The following BLOC1S5 variants were observed in gnomAD, a reference collection of about 807,000 sequenced individuals.
BLOC1S5 encodes the protein biogenesis of lysosomal organelles complex 1 subunit 5.
BLOC1S5 carries 27 observed loss-of-function variants against 24.3 expected under a neutral mutation model. The observed-to-expected ratio is 1.11, with a 90% CI of 0.82 to 1.53. The LOEUF (loss-of-function observed/expected upper bound fraction) is 1.53, where lower values mean the gene tolerates loss of function less well. BLOC1S5 is among the 40% of genes most tolerant of loss of function. The pLI, the probability that BLOC1S5 is intolerant of heterozygous loss-of-function variation, is 0.00. For synonymous variants in BLOC1S5, 84 were observed against 74.5 expected, an observed-to-expected ratio of 1.13 and a Z score of -0.66; for missense variants, 239 against 229.4, an observed-to-expected ratio of 1.04 and a Z score of -0.27.
chr6:8,026,343 C>G, intron 4 of BLOC1S5, 24 bp downstream of exon 4: 2 of 1,545,274 alleles, frequency 1.3e-6, no homozygotes, highest in Non-Finnish European at 1.8e-6. Context: ...AATTATATGC[C>G]TCATTATCTA....
rs1030783637 is a variant in BLOC1S5, at chr6:8,015,563, C to A, written c.*86G>T. On this transcript the variant is annotated 3_prime_UTR_variant, in exon 5 of 5. Transcript: ENST00000397457. Reference sequence around the variant, plus strand: ...ACTGAATATATTGCTAAGCTTGAAGCAGAGGCTAAACGGTCTGGTGGGAAT... The same window carrying A: ...ACTGAATATATTGCTAAGCTTGAAGAAGAGGCTAAACGGTCTGGTGGGAAT... 2.3e-6 allele frequency: 3 copies of A among 1,326,238 alleles called. No homozygotes were observed. Among genetic ancestry groups the A allele is most frequent in the Admixed American group, 4.6e-5 (2 of 43,226 alleles). The allele number at this position is 1,326,238 out of a possible 1,614,324, so 82.2% of individuals were successfully genotyped here.
intron 2 of BLOC1S5, among the ~76,000 whole-genome samples, chr6:8,053,437 G>A (rs1295037376): frequency 2.0e-5 from 3 of 152,146 alleles, no homozygotes; most frequent in Non-Finnish European, 2.9e-5. Flanking sequence ...CATTAACATC[G>A]AAATAAGATT....
intron 2 of BLOC1S5, among the ~76,000 whole-genome samples, chr6:8,055,478 G>T (rs1408211294): frequency 1.3e-5 from 2 of 152,120 alleles, no homozygotes; most frequent in African/African-American, 2.4e-5. Flanking sequence ...TCTATTTTTT[G>T]TGTGGTCAAA....
chr6:8,061,640 C>G (rs1162699771), intron 2 of BLOC1S5, among the ~76,000 whole-genome samples: 1 of 152,194 alleles, frequency 6.6e-6, no homozygotes, highest in Non-Finnish European at 1.5e-5. Flanking sequence ...TTAAAAGGTA[C>G]TCTCCTTTTG....
At chr6:8,017,406 A>ACACC (rs1299659988) in intron 4 of BLOC1S5, among the ~76,000 whole-genome samples, 10 of 150,830 alleles carry the variant, frequency 6.6e-5, no homozygotes, top group East Asian at 3.9e-4. Flanking sequence ...ACACACACAC[A>ACACC]CCTACAAAGC....
At chr6:8,040,692 C>G (rs1763647830) in intron 3 of BLOC1S5, among the ~76,000 whole-genome samples, 2 of 152,020 alleles carry the variant, frequency 1.3e-5, no homozygotes, top group Admixed American at 1.3e-4. Flanking sequence ...CCCATCTCTA[C>G]TAAAAATACA....
chr6:8,037,875 GA>G (rs764519410), intron 3 of BLOC1S5, among the ~76,000 whole-genome samples: 32 of 152,162 alleles, frequency 2.1e-4, no homozygotes, highest in Non-Finnish European at 3.1e-4. Flanking sequence ...ATACAATGGG[GA>G]AAGGACAGGC....
intron 2 of BLOC1S5, among the ~76,000 whole-genome samples, chr6:8,052,050 T>C (rs1292838408): frequency 7.1e-6 from 1 of 140,790 alleles, no homozygotes; most frequent in Non-Finnish European, 1.5e-5. Context: ...CACTGCAAGC[T>C]CCGCCTCCCG....
intron 3 of BLOC1S5, among the ~76,000 whole-genome samples, chr6:8,033,619 T>G (rs1306361610): frequency 6.6e-6 from 1 of 152,090 alleles, no homozygotes; most frequent in Admixed American, 6.5e-5. Flanking sequence ...AAAGCCAAAA[T>G]AGACAAATGG....
chr6:8,021,507 G>A (rs150929094), intron 4 of BLOC1S5, among the ~76,000 whole-genome samples: 78 of 152,258 alleles, frequency 5.1e-4, no homozygotes, highest in African/African-American at 1.8e-3. Flanking sequence ...GCTGAGGTGG[G>A]AGAATCCCTT....
At chr6:8,024,121 A>T (rs1763025216) in intron 4 of BLOC1S5, among the ~76,000 whole-genome samples, 1 of 152,118 alleles carries the variant, frequency 6.6e-6, no homozygotes, top group African/African-American at 2.4e-5. Context: ...AGTCTCACAG[A>T]CTTACCAACT....
At chr6:8,020,587 G>A (rs1426807265) in intron 4 of BLOC1S5, among the ~76,000 whole-genome samples, 4 of 152,162 alleles carry the variant, frequency 2.6e-5, no homozygotes, top group Non-Finnish European at 4.4e-5. Context: ...AACTTCATTT[G>A]CTGGAACAAA....
intron 2 of BLOC1S5, among the ~76,000 whole-genome samples, chr6:8,060,047 C>T (rs1318922466): frequency 1.3e-5 from 2 of 152,108 alleles, no homozygotes; most frequent in African/African-American, 4.8e-5. Context: ...CTGTTCTGAC[C>T]TGTTAAATTT....
intron 4 of BLOC1S5, among the ~76,000 whole-genome samples, chr6:8,024,776 C>A (rs952620730): frequency 2.5e-4 from 38 of 151,070 alleles, no homozygotes; most frequent in African/African-American, 9.0e-4. Context: ...AGTAAGATAA[C>A]AATTTTCAAA....
chr6:8,032,363 C>T (rs1406229744), intron 3 of BLOC1S5, among the ~76,000 whole-genome samples: 1 of 151,982 alleles, frequency 6.6e-6, no homozygotes, highest in Non-Finnish European at 1.5e-5. Flanking sequence ...GAAAAATGCT[C>T]AATATCAATA....
chr6:8,041,479 A>AT (rs933202319), intron 2 of BLOC1S5, among the ~76,000 whole-genome samples: 23 of 150,732 alleles, frequency 1.5e-4, no homozygotes, highest in Middle Eastern at 7.0e-3. Context: ...CATCCAGCTA[A>AT]TTTTTTGTGT....
At chr6:8,041,707 CG>C (rs1763697796) in intron 2 of BLOC1S5, 1 of 135,410 alleles carries the variant, frequency 7.4e-6, no homozygotes, top group African/African-American at 2.7e-5. Context: ...AGTGCGGTGG[CG>C]CTCTCTCTGC....
chr6:8,041,312 C>CA, intron 2 of BLOC1S5, 44 bp from the exon 3 acceptor site: 1 of 1,079,764 alleles, frequency 9.3e-7, no homozygotes, highest in Non-Finnish European at 1.2e-6. Context: ...GTGTCTTTTC[C>CA]TTTTTTTTTT....
chr6:8,036,763 C>T (rs536404525), intron 3 of BLOC1S5, among the ~76,000 whole-genome samples: 1 of 152,126 alleles, frequency 6.6e-6, no homozygotes, highest in East Asian at 1.9e-4. Flanking sequence ...AATGTAAAGG[C>T]AAAAATCCTC....
Sources: allele counts gnomAD v4.1 joint callset (sites outside exome capture counted in the v4.1 genomes callset), GRCh38; gene constraint gnomAD v4.1.1; transcripts MANE v1.5; gene names NCBI Gene and HGNC (gene_info 2026-07-23, HGNC 2026-07-21).